ZFR2: variants seen among roughly 807,000 people sequenced by gnomAD.
ZFR2 encodes zinc finger RNA-binding protein 2.
ZFR2 carries 104 observed loss-of-function variants against 105.7 expected under a neutral mutation model. The observed-to-expected ratio is 0.98, with a 90% confidence interval of 0.84 to 1.16. ZFR2 has a LOEUF of 1.16. ZFR2 is among the 50% of genes most tolerant of loss of function. The pLI, the probability that ZFR2 is intolerant of heterozygous loss-of-function variation, is 0.00. For synonymous variants in ZFR2, 634 were observed against 597.7 expected (o/e 1.06, Z -0.89); for missense variants, 1,425 against 1,355.5 (o/e 1.05, Z -0.80).
At chr19:3,822,029 C>G (rs960299270) in intron 9 of ZFR2, 52 bp downstream of exon 9, 1 of 1,531,300 alleles carries the variant, frequency 6.5e-7, no homozygotes, top group Non-Finnish European at 8.8e-7. Flanking sequence ...CAGCGCCCGC[C>G]GGGCCCTAGC....
In ZFR2 at chr19:3,820,184, G is replaced by A. The variant is rs770740689; in HGVS notation, c.1738C>T (p.Gln580Ter). The change falls in exon 11 of 19, where the codon CAG (glutamine) becomes TAG (stop). Residue 580 changes from glutamine to a stop codon, truncating the protein, a stop_gained and splice_region_variant. Coordinates refer to ENST00000262961, the MANE Select transcript of ZFR2 (RefSeq NM_015174.2). LOFTEE classifies it high-confidence loss of function. ...RPESPASAPL[Q>*]PGRRPASSDD... ...CACACAGAGGAAACTGTACCTACCT[G>A]GAGTGGGGCGCTGGCGGGTGACTCC... 1 of 1,552,252 alleles carries A rather than the reference G, an allele frequency of 6.4e-7. No homozygotes were observed.
chr19:3,851,217 G>T (rs2038234708), intron 1 of ZFR2, among the ~76,000 whole-genome samples: 1 of 152,148 alleles, frequency 6.6e-6, no homozygotes, highest in South Asian at 2.1e-4. Flanking sequence ...GAACTAGAGG[G>T]GGTGATGGAC....
chr19:3,867,309 G>GGGC (rs1555762896), intron 1 of ZFR2, among the ~76,000 whole-genome samples: 10 of 151,572 alleles, frequency 6.6e-5, no homozygotes, highest in Non-Finnish European at 1.0e-4. Context: ...ACTGTTGGGG[G>GGGC]GGGAATCTGG....
chr19:3,805,938 A>T lies in ZFR2; in HGVS notation c.*11T>A. The T allele has an allele frequency of 6.6e-7, 1 of 1,522,368 alleles. No individual in the cohort carries two copies. The highest frequency in any genetic ancestry group is 1.2e-5 in the South Asian group (1 of 82,208). The allele number at this position is 1,522,368 out of a possible 1,614,324, so 94.3% of individuals were successfully genotyped here. A position where few individuals can be genotyped will look rare whatever the true frequency, so the allele number is the denominator to read the frequency against. On this transcript the variant is annotated 3_prime_UTR_variant, in exon 19 of 19. Coordinates refer to ENST00000262961, the MANE Select transcript of ZFR2 (RefSeq NM_015174.2). ...GGATGCAAAGGCCCGCAGGTGGGGG[A>T]GGTAGGCGGCTCACACGAGCCCCTC...
chr19:3,827,761 G>T, intron 5 of ZFR2, 108 bp from the exon 6 acceptor site: 2 of 1,277,740 alleles, frequency 1.6e-6, no homozygotes, highest in Non-Finnish European at 2.2e-6. Flanking sequence ...GGTAACAGAG[G>T]CCCGCTGTCC....
intron 16 of ZFR2, among the ~76,000 whole-genome samples, chr19:3,809,926 A>C (rs1255881337): frequency 6.6e-6 from 1 of 152,176 alleles, no homozygotes; most frequent in Non-Finnish European, 1.5e-5. Flanking sequence ...CCTGGGCAAC[A>C]AGAGCGAGAC....
chr19:3,847,039 G>C (rs1461531140), intron 1 of ZFR2, among the ~76,000 whole-genome samples: 1 of 152,206 alleles, frequency 6.6e-6, no homozygotes, highest in African/African-American at 2.4e-5. Context: ...GCCAGGGTTG[G>C]CAAGTTGGTG....
intron 14 of ZFR2, among the ~76,000 whole-genome samples, chr19:3,812,922 T>C (rs1175136277): frequency 6.6e-6 from 1 of 151,790 alleles, no homozygotes; most frequent in East Asian, 1.9e-4. Flanking sequence ...CTACTAAAAA[T>C]ACAAAAAAAT....
chr19:3,850,097 C>G (rs1358509624), intron 1 of ZFR2, among the ~76,000 whole-genome samples: 2 of 152,166 alleles, frequency 1.3e-5, no homozygotes, highest in Non-Finnish European at 2.9e-5. Flanking sequence ...GAGTGCCTCT[C>G]CTACACAGAT....
At chr19:3,860,441 A>G (rs2038360016) in intron 1 of ZFR2, among the ~76,000 whole-genome samples, 1 of 152,102 alleles carries the variant, frequency 6.6e-6, no homozygotes, top group African/African-American at 2.4e-5. Context: ...CTCAGGATGG[A>G]GCCACCATAG....
At chr19:3,824,815 T>C (rs1357804296) in intron 7 of ZFR2, among the ~76,000 whole-genome samples, 2 of 152,102 alleles carry the variant, frequency 1.3e-5, no homozygotes, top group Non-Finnish European at 2.9e-5. Context: ...TGCATGCCTA[T>C]AGTCCCAGCT....
At chr19:3,868,336 C>T (rs1378417888) in intron 1 of ZFR2, among the ~76,000 whole-genome samples, 2 of 151,326 alleles carry the variant, frequency 1.3e-5, no homozygotes, top group African/African-American at 4.9e-5. Flanking sequence ...TCCCCCTGCC[C>T]GGCCAGGCAC....
At chr19:3,825,532 C>G in intron 6 of ZFR2, 125 bp from the exon 7 acceptor site, 1 of 1,253,434 alleles carries the variant, frequency 8.0e-7, no homozygotes, top group Non-Finnish European at 1.1e-6. Flanking sequence ...CCAGGGACCC[C>G]CCTCTCTTCT....
intron 1 of ZFR2, among the ~76,000 whole-genome samples, chr19:3,859,630 G>A (rs2038349981): frequency 6.6e-6 from 1 of 152,236 alleles, no homozygotes; most frequent in Non-Finnish European, 1.5e-5. Flanking sequence ...CCAGGTGGAG[G>A]GCGCAGGGCC....
At chr19:3,829,569 G>A (rs1384368123) in intron 5 of ZFR2, among the ~76,000 whole-genome samples, 1 of 151,976 alleles carries the variant, frequency 6.6e-6, no homozygotes, top group Non-Finnish European at 1.5e-5. Context: ...CTGGGGTGCA[G>A]TAGCGTGATC....
chr19:3,868,570 G>T (rs975235695), intron 1 of ZFR2, among the ~76,000 whole-genome samples: 10 of 130,708 alleles, frequency 7.7e-5, no homozygotes, highest in Admixed American at 7.0e-4. Context: ...TCCCCTCCTC[G>T]GTCAGACCAC....
rs1295645960 is a variant in ZFR2, at chr19:3,821,941, T to G, written c.1491+140A>C. On this transcript the variant is annotated intron_variant, in intron 9 of 18. Coordinates refer to ENST00000262961, the MANE Select transcript of ZFR2 (RefSeq NM_015174.2). ...CACTTTTGAGACGAGGACCAAGACG[T>G]TGAAAACCCAGAAAATCACCCCTCC... 4 of 1,331,812 alleles carry G rather than the reference T, an allele frequency of 3.0e-6. No individual in the cohort carries two copies. In the East Asian group the frequency reaches 7.7e-5, roughly 26 times the overall value. 82.5% of individuals were successfully genotyped at this position (1,331,812 alleles called of 1,614,324 possible).
chr19:3,816,274 C>T (rs1382508894), intron 13 of ZFR2, among the ~76,000 whole-genome samples: 3 of 132,174 alleles, frequency 2.3e-5, no homozygotes, highest in Non-Finnish European at 4.7e-5. Context: ...GAGACCCAGT[C>T]TCGCTCTGTC....
chr19:3,848,971 A>G (rs62132989), intron 1 of ZFR2, among the ~76,000 whole-genome samples: 27,184 of 152,102 alleles, frequency 0.18, 2,595 homozygotes, highest in Admixed American at 0.26. Context: ...TCCAGCCTGG[A>G]CAACAAAGCG....
Sources: allele counts gnomAD v4.1 joint callset (sites outside exome capture counted in the v4.1 genomes callset), GRCh38; gene constraint gnomAD v4.1.1; transcripts MANE v1.5; gene names NCBI Gene and HGNC (gene_info 2026-07-23, HGNC 2026-07-21).